Variants in PLPP3 observed in about 807,000 individuals in gnomAD.
The protein encoded by PLPP3 is PAP2 beta.
A neutral mutation model predicts 29.6 loss-of-function variants in PLPP3; 6 were observed. The observed-to-expected ratio is 0.20, with a 90% CI of 0.11 to 0.40. The LOEUF is 0.40. PLPP3 is among the 10% of genes least tolerant of loss of function. The pLI is 1.00. For synonymous variants in PLPP3, 152 were observed against 159.7 expected (o/e 0.95, Z 0.36); for missense variants, 308 against 407.7 (o/e 0.76, Z 2.11).
At chr1:56,571,334 A>G (rs561053325) in intron 1 of PLPP3, among the ~76,000 whole-genome samples, 61 of 152,294 alleles carry the variant, frequency 4.0e-4, no homozygotes, top group African/African-American at 1.4e-3. Context: ...GTGCACACAG[A>G]ATCTCATTTC....
At chr1:56,507,007 TTC>T (rs1645706463) in intron 5 of PLPP3, among the ~76,000 whole-genome samples, 1 of 152,240 alleles carries the variant, frequency 6.6e-6, no homozygotes, top group Non-Finnish European at 1.5e-5. Context: ...TGTATAGGTT[TTC>T]TGTCTGTGCT....
intron 1 of PLPP3, among the ~76,000 whole-genome samples, chr1:56,565,979 C>A (rs1052454325): frequency 1.1e-4 from 17 of 152,304 alleles, no homozygotes; most frequent in African/African-American, 4.1e-4. Flanking sequence ...CAGAAATAAA[C>A]AAGACCAGAG....
intron 4 of PLPP3, 190 bp from the exon 5 acceptor site, chr1:56,512,342 T>C (rs1645746813): frequency 1.8e-6 from 1 of 547,946 alleles, no homozygotes; most frequent in Non-Finnish European, 3.1e-6. Flanking sequence ...CTAGGCACGG[T>C]GGCTCACGTC....
In PLPP3 at chr1:56,563,248, A is replaced by G. The variant is rs1396234739; in HGVS notation, c.139+15630T>C. Reference sequence around the variant, plus strand: ...ACAAAACTTCTTTTAGGAAAGGGAGAAAAGACCTACTTTATACACTTGCTT... The same window carrying G: ...ACAAAACTTCTTTTAGGAAAGGGAGGAAAGACCTACTTTATACACTTGCTT... On this transcript the variant is annotated intron_variant, in intron 1 of 5. Coordinates refer to ENST00000371250, the MANE Select transcript of PLPP3 (RefSeq NM_003713.5). Among the ~76,000 whole-genome samples, 7 of 152,306 alleles carry G rather than the reference A, an allele frequency of 4.6e-5. No individual in the cohort carries two copies. In the East Asian group the frequency reaches 1.2e-3, roughly 25 times the overall value.
chr1:56,537,921 A>G (rs761765350), intron 1 of PLPP3, among the ~76,000 whole-genome samples: 43 of 152,290 alleles, frequency 2.8e-4, no homozygotes, highest in Non-Finnish European at 5.4e-4. Flanking sequence ...CTCAAAGGTC[A>G]TGGCAAATGG....
intron 1 of PLPP3, among the ~76,000 whole-genome samples, chr1:56,563,265 C>T (rs932826367): frequency 2.0e-5 from 3 of 152,196 alleles, no homozygotes; most frequent in Admixed American, 6.5e-5. Flanking sequence ...CTACTTTATA[C>T]ACTTGCTTTC....
intron 1 of PLPP3, among the ~76,000 whole-genome samples, chr1:56,577,869 G>A (rs1382524971): frequency 6.6e-6 from 1 of 152,014 alleles, no homozygotes; most frequent in African/African-American, 2.4e-5. Flanking sequence ...AGTGGCAAGA[G>A]TGGCAGTGTT....
chr1:56,526,093 A>G (rs1645850854), intron 2 of PLPP3, among the ~76,000 whole-genome samples: 2 of 152,306 alleles, frequency 1.3e-5, no homozygotes, highest in East Asian at 3.9e-4. Flanking sequence ...ACAATTCTGT[A>G]TTAGAGGAAC....
At chr1:56,559,767 T>C (rs1280986791) in intron 1 of PLPP3, among the ~76,000 whole-genome samples, 3 of 152,180 alleles carry the variant, frequency 2.0e-5, no homozygotes, top group Admixed American at 6.5e-5. Flanking sequence ...CTCTATATTT[T>C]ACTCATTTTC....
intron 1 of PLPP3, among the ~76,000 whole-genome samples, chr1:56,551,832 G>A (rs1440202722): frequency 1.3e-5 from 2 of 152,190 alleles, no homozygotes; most frequent in Admixed American, 6.5e-5. Flanking sequence ...ACCTAGGCTG[G>A]GGTTTGGCAG....
At chr1:56,555,432 C>CAAA (rs1646068262) in intron 1 of PLPP3, among the ~76,000 whole-genome samples, 1 of 6,508 alleles carries the variant, frequency 1.5e-4, no homozygotes, top group African/African-American at 3.2e-4. Context: ...AGGCCAAACA[C>CAAA]TAAAAAAAAA....
intron 2 of PLPP3, among the ~76,000 whole-genome samples, chr1:56,526,496 C>T (rs1035948536): frequency 6.6e-6 from 1 of 152,168 alleles, no homozygotes; most frequent in African/African-American, 2.4e-5. Flanking sequence ...TACATTTACC[C>T]TATGTAACCT....
intron 1 of PLPP3, among the ~76,000 whole-genome samples, chr1:56,543,014 T>C (rs1242679113): frequency 3.9e-5 from 4 of 102,490 alleles, no homozygotes; most frequent in Non-Finnish European, 7.6e-5. Flanking sequence ...AGATCTTGTT[T>C]CAAAAAAAAA....
At chr1:56,578,533 C>T (rs1220931378) in intron 1 of PLPP3, among the ~76,000 whole-genome samples, 1 of 152,224 alleles carries the variant, frequency 6.6e-6, no homozygotes, top group East Asian at 1.9e-4. Context: ...CTCTAGAGCG[C>T]GGCTCAACCA....
Position 56,496,690 on chromosome 1 carries a change from T to C in PLPP3, c.811-14A>G. On this transcript the variant is annotated splice_polypyrimidine_tract_variant and intron_variant, in intron 5 of 5. Transcript: ENST00000371250. ...CACGAAGAAAACCTAGAAGCACAAATCAGAGATCGAAGTCAGTAACTGACA... is the reference window on the plus strand; with the variant it reads ...CACGAAGAAAACCTAGAAGCACAAACCAGAGATCGAAGTCAGTAACTGACA... 6.2e-7 allele frequency: 1 copy of C among 1,612,198 alleles called. No individual in the cohort carries two copies. The highest frequency in any genetic ancestry group is 8.5e-7 in the Non-Finnish European group (1 of 1,179,290).
chr1:56,516,009 T>C (rs1238954089), intron 4 of PLPP3, among the ~76,000 whole-genome samples: 1 of 152,234 alleles, frequency 6.6e-6, no homozygotes, highest in Non-Finnish European at 1.5e-5. Context: ...CTTTCTGCCC[T>C]GGTGAATGAC....
At chr1:56,498,400 A>G (rs1034859868) in intron 5 of PLPP3, among the ~76,000 whole-genome samples, 1 of 152,158 alleles carries the variant, frequency 6.6e-6, no homozygotes, top group Non-Finnish European at 1.5e-5. Flanking sequence ...TTAAAGTTCA[A>G]TGAGAAGATA....
intron 1 of PLPP3, among the ~76,000 whole-genome samples, chr1:56,542,970 T>G (rs1015024644): frequency 6.7e-5 from 10 of 150,316 alleles, no homozygotes; most frequent in Admixed American, 2.7e-4. Context: ...AAGCCAAGAT[T>G]GCACCACTGC....
intron 1 of PLPP3, among the ~76,000 whole-genome samples, chr1:56,562,518 A>G (rs1031654381): frequency 2.0e-5 from 3 of 152,252 alleles, no homozygotes; most frequent in Non-Finnish European, 4.4e-5. Flanking sequence ...CAACAAAAAA[A>G]ATATTCATTG....
Sources: allele counts gnomAD v4.1 joint callset (sites outside exome capture counted in the v4.1 genomes callset), GRCh38; gene constraint gnomAD v4.1.1; transcripts MANE v1.5; gene names NCBI Gene and HGNC (gene_info 2026-07-23, HGNC 2026-07-21).